The following BRF1 variants were observed in gnomAD, a reference collection of about 807,000 sequenced individuals.
The protein encoded by BRF1 is BRF1 general transcription factor IIIB subunit.
In BRF1, 59 loss-of-function variants were observed where a neutral mutation model predicts 81.7. That is an observed-to-expected ratio of 0.72 (90% CI 0.59 to 0.90). BRF1 has a LOEUF of 0.90. BRF1 is among the 40% of genes least tolerant of loss of function. BRF1 has a pLI of 0.00. For missense variants in BRF1, 1,050 were observed against 936.3 expected (o/e 1.12, Z -1.58); for synonymous variants, 491 against 395.6 (o/e 1.24, Z -2.86).
At chr14:105,214,499 GCA>G (rs1890726013) in intron 15 of BRF1, among the ~76,000 whole-genome samples, 1 of 47,848 alleles carries the variant, frequency 2.1e-5, no homozygotes, top group Non-Finnish European at 4.0e-5. Flanking sequence ...CCACACCCCT[GCA>G]TGGCTCAGCT....
intron 3 of BRF1, among the ~76,000 whole-genome samples, chr14:105,259,524 G>A (rs2056048753): frequency 6.6e-6 from 1 of 152,206 alleles, no homozygotes; most frequent in Admixed American, 6.5e-5. Context: ...GCCAAAAACG[G>A]GGAGCAGTCC....
At chr14:105,280,775 C>T (rs2140444186) in intron 2 of BRF1, among the ~76,000 whole-genome samples, 1 of 150,722 alleles carries the variant, frequency 6.6e-6, no homozygotes, top group South Asian at 2.1e-4. Context: ...CCCACGTGAC[C>T]CTGAGCCTGG....
At position 105,228,800 on chromosome 14, in the gene BRF1, C is replaced by G. The variant is rs769138403; in HGVS notation, c.788+20G>C. The G allele has an allele frequency of 1.9e-6, 3 of 1,613,234 alleles. No homozygotes were observed. The African/African-American group carries it at 4.0e-5, about 22-fold the overall frequency. ...TGAAGCCTCTGTGTGGTCCCCATGCCATGAATGAGAGCCCCTCACCTCTTC... is the reference window on the plus strand; with the variant it reads ...TGAAGCCTCTGTGTGGTCCCCATGCGATGAATGAGAGCCCCTCACCTCTTC... On this transcript the variant is annotated intron_variant, in intron 7 of 17. Transcript: ENST00000547530.
At chr14:105,258,997 G>A (rs865951558) in intron 3 of BRF1, among the ~76,000 whole-genome samples, 36 of 152,160 alleles carry the variant, frequency 2.4e-4, no homozygotes, top group Middle Eastern at 3.2e-3. Context: ...GAATGCCGGC[G>A]AGGATGTGGG....
At chr14:105,274,968 CCACTG>C (rs1240082097) in intron 2 of BRF1, among the ~76,000 whole-genome samples, 1 of 152,236 alleles carries the variant, frequency 6.6e-6, no homozygotes, top group Non-Finnish European at 1.5e-5. Context: ...ATTCCAGTTC[CCACTG>C]CATCCTCTGG....
chr14:105,286,932 G>T (rs1171828856), intron 1 of BRF1, among the ~76,000 whole-genome samples: 1 of 152,168 alleles, frequency 6.6e-6, no homozygotes, highest in African/African-American at 2.4e-5. Flanking sequence ...CTTGCCCCAG[G>T]CCAGCCCACT....
chr14:105,300,980 G>A lies in BRF1; in HGVS notation c.-351C>T, dbSNP rs2140599308. The A allele has an allele frequency of 6.5e-6, 1 of 153,684 alleles. No homozygotes were observed. Among genetic ancestry groups the A allele is most frequent in the Admixed American group, 6.5e-5 (1 of 15,334 alleles). 9.5% of individuals were successfully genotyped at this position (153,684 alleles called of 1,614,324 possible). ...GGCGGAACCCGAGCGGGGCCTACCG[G>A]TGAGCGCAGCCGAGGACTGGCGCTT... On this transcript the variant is annotated 5_prime_UTR_variant, in exon 1 of 18. Coordinates refer to ENST00000547530, the MANE Select transcript of BRF1 (RefSeq NM_001519.4).
intron 15 of BRF1, chr14:105,217,259 A>T: frequency 1.8e-6 from 1 of 544,204 alleles, no homozygotes; most frequent in Non-Finnish European, 3.3e-6. Flanking sequence ...CACCGACCCC[A>T]CGGATTGTCC....
intron 2 of BRF1, among the ~76,000 whole-genome samples, chr14:105,278,130 G>T (rs970518510): frequency 2.0e-5 from 3 of 152,176 alleles, no homozygotes; most frequent in Non-Finnish European, 2.9e-5. Context: ...AGTCTCCTTA[G>T]ACTTCCTTCC....
intron 5 of BRF1, chr14:105,250,169 A>C (rs766963981): frequency 1.9e-6 from 3 of 1,612,874 alleles, no homozygotes; most frequent in Non-Finnish European, 2.5e-6. Context: ...CACGGCCACC[A>C]ACAAGCCCCG....
chr14:105,251,297 C>T (rs1435478487), intron 5 of BRF1, among the ~76,000 whole-genome samples: 1 of 152,174 alleles, frequency 6.6e-6, no homozygotes, highest in Non-Finnish European at 1.5e-5. Context: ...ACACCAGGTG[C>T]CTGGTTGTCT....
At position 105,226,610 on chromosome 14, in the gene BRF1, G is replaced by T. The variant is rs112450452; in HGVS notation, c.915+24C>A. ...CCCCAAGGCTGGCAAGCCCAGCACA[G>T]ACAGACACCAAAGCCGGCGCTACCT... is the stretch of plus-strand genomic sequence containing the variant. On this transcript the variant is annotated intron_variant, in intron 8 of 17. Transcript: ENST00000547530. The T allele has an allele frequency of 8.6e-3, 13,814 of 1,612,490 alleles. 977 individuals carry two copies. The African/African-American group carries it at 0.16, about 19-fold the overall frequency.
chr14:105,223,585 C>G (rs893726819), intron 10 of BRF1, among the ~76,000 whole-genome samples: 2 of 152,208 alleles, frequency 1.3e-5, no homozygotes, highest in Non-Finnish European at 2.9e-5. Flanking sequence ...CTACGGAATT[C>G]TACAGAATAC....
At chr14:105,283,690 A>G (rs1439780362) in intron 2 of BRF1, among the ~76,000 whole-genome samples, 1 of 152,206 alleles carries the variant, frequency 6.6e-6, no homozygotes, top group African/African-American at 2.4e-5. Context: ...GTCTGCACCG[A>G]CACTACTCTT....
chr14:105,300,733 T>G lies in BRF1; in HGVS notation c.-104A>C. 1.1e-6 allele frequency: 1 copy of G among 913,554 alleles called. No individual in the cohort carries two copies. Among genetic ancestry groups the G allele is most frequent in the Non-Finnish European group, 1.4e-6 (1 of 709,178 alleles). 56.6% of individuals were successfully genotyped at this position (913,554 alleles called of 1,614,324 possible). A position where few individuals can be genotyped will look rare whatever the true frequency, so the allele number is the denominator to read the frequency against. On this transcript the variant is annotated 5_prime_UTR_variant, in exon 1 of 18. Transcript: ENST00000547530. ...CCGCCCAGGCCCAGCCGCCCAGGCC[T>G]CGCCGCTCTCGCGAGGCCCCGCTCC...
intron 5 of BRF1, chr14:105,250,452 C>G: frequency 6.8e-6 from 11 of 1,614,036 alleles, no homozygotes; most frequent in Non-Finnish European, 9.3e-6. Context: ...TCCAGTAACA[C>G]CTTCCCGGTC....
chr14:105,241,757 A>C, intron 5 of BRF1: 3 of 324,068 alleles, frequency 9.3e-6, no homozygotes, highest in East Asian at 6.6e-5. Context: ...ACACGCAACA[A>C]CGGTCCGGGG....
At chr14:105,246,751 C>A (rs1258732062) in intron 5 of BRF1, 1 of 957,478 alleles carries the variant, frequency 1.0e-6, no homozygotes, top group Non-Finnish European at 1.2e-6. Flanking sequence ...GCCACCGCGC[C>A]CAACCTACAC....
chr14:105,245,777 A>ACCGATG (rs1226301697), intron 5 of BRF1, among the ~76,000 whole-genome samples: 1 of 151,050 alleles, frequency 6.6e-6, no homozygotes, highest in Admixed American at 6.6e-5. Context: ...CTAACTCAAA[A>ACCGATG]CCGATGCAAG....
Sources: allele counts gnomAD v4.1 joint callset (sites outside exome capture counted in the v4.1 genomes callset), GRCh38; gene constraint gnomAD v4.1.1; transcripts MANE v1.5; gene names NCBI Gene and HGNC (gene_info 2026-07-23, HGNC 2026-07-21).